The following RIMBP2 variants were observed in gnomAD, a reference collection of about 807,000 sequenced individuals.
The protein encoded by RIMBP2 is RIMS binding protein 2.
In RIMBP2, 48 loss-of-function variants were observed where a neutral mutation model predicts 118.6. That is an observed-to-expected ratio of 0.40 (90% CI 0.32 to 0.51). RIMBP2 has a LOEUF of 0.51. Among genes scored for constraint, RIMBP2 ranks in the 20% least tolerant of loss-of-function variants. The probability of loss-of-function intolerance (pLI) is 0.41; values close to 1 mark genes in which losing one functional copy is unlikely to be tolerated. For missense variants in RIMBP2, 1,551 were observed against 1,768.3 expected (o/e 0.88, Z 2.20); for synonymous variants, 762 against 742.9 (o/e 1.03, Z -0.42).
chr12:130,682,879 A>C (rs952522179), intron 1 of RIMBP2, among the ~76,000 whole-genome samples: 2 of 152,268 alleles, frequency 1.3e-5, no homozygotes, highest in African/African-American at 4.8e-5. Context: ...TTCACATCCA[A>C]GTATTTCTTT....
chr12:130,672,069 C>T (rs2064224955), intron 1 of RIMBP2, among the ~76,000 whole-genome samples: 1 of 152,190 alleles, frequency 6.6e-6, no homozygotes, highest in African/African-American at 2.4e-5. Context: ...TTACATTTCC[C>T]ACCTCCAGTG....
chr12:130,497,284 T>C (rs1169970903), intron 4 of RIMBP2, among the ~76,000 whole-genome samples: 2 of 152,200 alleles, frequency 1.3e-5, no homozygotes, highest in Non-Finnish European at 2.9e-5. Flanking sequence ...TCTACCCCTC[T>C]GTCCAGAAGC....
intron 1 of RIMBP2, among the ~76,000 whole-genome samples, chr12:130,643,187 C>G (rs1464195762): frequency 2.0e-5 from 3 of 152,222 alleles, no homozygotes; most frequent in African/African-American, 7.2e-5. Flanking sequence ...GAGTTCCCCC[C>G]TGCACAGTGA....
intron 2 of RIMBP2, among the ~76,000 whole-genome samples, chr12:130,595,031 C>T (rs1382789286): frequency 6.6e-6 from 1 of 152,180 alleles, no homozygotes; most frequent in Non-Finnish European, 1.5e-5. Flanking sequence ...GTTATTAAGG[C>T]CATTAAATCT....
At chr12:130,630,554 A>G (rs1359986631) in intron 1 of RIMBP2, among the ~76,000 whole-genome samples, 1 of 152,168 alleles carries the variant, frequency 6.6e-6, no homozygotes, top group African/African-American at 2.4e-5. Flanking sequence ...GAAAAACATA[A>G]GAACATGTTC....
At chr12:130,584,243 T>TCACCTCACCACCATCAC (rs2058690250) in intron 2 of RIMBP2, among the ~76,000 whole-genome samples, 1 of 14,934 alleles carries the variant, frequency 6.7e-5, no homozygotes, top group African/African-American at 1.5e-4. Context: ...ACCACCACCA[T>TCACCTCACCACCATCAC]CACCATCACC....
At chr12:130,680,228 C>T (rs748709355) in intron 1 of RIMBP2, among the ~76,000 whole-genome samples, 6 of 152,342 alleles carry the variant, frequency 3.9e-5, no homozygotes, top group African/African-American at 1.2e-4. Flanking sequence ...ACATACCCTG[C>T]GACCCTACAG....
chr12:130,690,850 G>A (rs1356882412), intron 1 of RIMBP2, among the ~76,000 whole-genome samples: 1 of 152,078 alleles, frequency 6.6e-6, no homozygotes, highest in East Asian at 1.9e-4. Context: ...TAGCCCTCAG[G>A]AAAGCCTGGT....
intron 14 of RIMBP2, chr12:130,428,655 G>A: frequency 4.5e-6 from 1 of 221,756 alleles, no homozygotes. Flanking sequence ...CCATTTCTGG[G>A]CACCCTCAGC....
At chr12:130,479,578 C>G (rs1237539118) in intron 4 of RIMBP2, among the ~76,000 whole-genome samples, 2 of 151,332 alleles carry the variant, frequency 1.3e-5, no homozygotes, top group Non-Finnish European at 2.9e-5. Context: ...GAATGCAAAC[C>G]CAGAGTCCGC....
intron 3 of RIMBP2, among the ~76,000 whole-genome samples, chr12:130,515,573 T>C (rs976485932): frequency 2.4e-4 from 37 of 152,348 alleles, no homozygotes; most frequent in African/African-American, 7.9e-4. Context: ...GTCAGTAATA[T>C]TCCATTGGAC....
rs1379810749 is a variant in RIMBP2 at position 130,525,534 on chromosome 12, G to C, written c.-216-7617C>G. Among the ~76,000 whole-genome samples, 1 of 152,072 alleles carries C rather than the reference G, an allele frequency of 6.6e-6. No individual in the cohort carries two copies. The highest frequency in any genetic ancestry group is 1.5e-5 in the Non-Finnish European group (1 of 68,024). ...GTAACTCCTCCTTCCTCCCACAGGC[G>C]AGTGGAATGTGGGTAGCTGCCGGGA... is the stretch of plus-strand genomic sequence containing the variant. On this transcript the variant is annotated intron_variant, in intron 2 of 22. Coordinates refer to ENST00000690449, the MANE Select transcript of RIMBP2 (RefSeq NM_001393629.1). This position sits in a 1 kb window ranked among gnomAD's most constrained non-coding sequence, Gnocchi z 4.4.
At position 130,511,852 on chromosome 12, in the gene RIMBP2, C is replaced by G. The variant is rs2050944400; in HGVS notation, c.-126-5082G>C. ...CAAGGAAGCCACCCTCCACACACGT[C>G]TCTGCTGGACAGGAGCCCCTGGGCC... On this transcript the variant is annotated intron_variant, in intron 3 of 22. Coordinates refer to ENST00000690449, the MANE Select transcript of RIMBP2 (RefSeq NM_001393629.1). The surrounding 1 kb of genome is among the most constrained non-coding windows in gnomAD (Gnocchi z 4.3). Among the ~76,000 whole-genome samples the G allele has an allele frequency of 6.6e-6, 1 of 152,148 alleles. No individual in the cohort carries two copies. The highest frequency in any genetic ancestry group is 2.4e-5 in the African/African-American group (1 of 41,456).
chr12:130,474,245 C>G (rs2081250322), intron 5 of RIMBP2, among the ~76,000 whole-genome samples: 1 of 152,176 alleles, frequency 6.6e-6, no homozygotes, highest in African/African-American at 2.4e-5. Context: ...GCCTCCGCCC[C>G]GCAGGTTACA....
chr12:130,412,858 GGTAA>G (rs2136481302), intron 18 of RIMBP2, 71 bp from the exon 19 acceptor site: 1 of 1,381,080 alleles, frequency 7.2e-7, no homozygotes, highest in Non-Finnish European at 9.9e-7. Flanking sequence ...TCCCACTGAC[GGTAA>G]GTGAGTGTAG....
At chr12:130,421,442 A>G (rs1270729506) in intron 17 of RIMBP2, among the ~76,000 whole-genome samples, 2 of 152,256 alleles carry the variant, frequency 1.3e-5, no homozygotes, top group East Asian at 1.9e-4. Context: ...TTTGAATTGT[A>G]CAAGGAAGAA....
In RIMBP2 at chr12:130,424,362, A is replaced by G. The variant is rs906488908; in HGVS notation, c.2909T>C (p.Val970Ala). Residue 970 changes from valine to alanine, a missense_variant, in exon 16 of 23, where the codon GTG becomes GCG. Physicochemically the swap from Val to Ala is moderately conservative, Grantham distance 64. Coordinates refer to ENST00000690449, the MANE Select transcript of RIMBP2 (RefSeq NM_001393629.1). This position sits in a 1 kb window ranked among gnomAD's most constrained non-coding sequence, Gnocchi z 9.8. ...RRRTLTRQSS[V>A]EEDFGEQVGP... The stretch of plus-strand genomic sequence containing the variant: ...CACCTGCTCCCCAAAGTCCTCCTCC[A>G]CGCTGCTCTGCCGGGTCAGCGTCCG... 2 of 1,232,230 alleles carry G rather than the reference A, an allele frequency of 1.6e-6. No individual in the cohort carries two copies. Among genetic ancestry groups the G allele is most frequent in the Non-Finnish European group, 2.0e-6 (2 of 988,072 alleles). 76.3% of individuals were successfully genotyped at this position (1,232,230 alleles called of 1,614,324 possible). A position where few individuals can be genotyped will look rare whatever the true frequency, so the allele number is the denominator to read the frequency against.
intron 2 of RIMBP2, among the ~76,000 whole-genome samples, chr12:130,537,264 T>C (rs549621016): frequency 6.6e-6 from 1 of 152,222 alleles, no homozygotes; most frequent in African/African-American, 2.4e-5. Context: ...CACGAGGCCA[T>C]AGTTTTGCTT....
At chr12:130,642,836 G>T (rs1302027242) in intron 1 of RIMBP2, among the ~76,000 whole-genome samples, 1 of 152,176 alleles carries the variant, frequency 6.6e-6, no homozygotes, top group Non-Finnish European at 1.5e-5. Flanking sequence ...CAGGCACCTT[G>T]ATCTGAACCA....
Sources: allele counts gnomAD v4.1 joint callset (sites outside exome capture counted in the v4.1 genomes callset), GRCh38; gene constraint gnomAD v4.1.1; non-coding constraint Gnocchi (gnomAD v3.1); transcripts MANE v1.5; gene names NCBI Gene and HGNC (gene_info 2026-07-23, HGNC 2026-07-21).